The following UGT2B4 variants were observed in gnomAD, a reference collection of about 807,000 sequenced individuals.
The protein encoded by UGT2B4 is UDP-glucuronosyltransferase 2B4.
In UGT2B4, 49 loss-of-function variants were observed where a neutral mutation model predicts 49.8. The observed-to-expected ratio is 0.98, with a 90% CI of 0.78 to 1.25. UGT2B4 has a LOEUF of 1.25. Ranked by LOEUF, UGT2B4 falls within the 50% of genes most tolerant of loss-of-function variation. UGT2B4 has a pLI of 0.00. For synonymous variants in UGT2B4, 246 were observed against 217.7 expected (o/e 1.13, Z -1.14); for missense variants, 729 against 627.7 (o/e 1.16, Z -1.73).
chr4:69,509,844 AT>A (rs375366769), intron 1 of UGT2B4, among the ~76,000 whole-genome samples: 1,794 of 148,168 alleles, frequency 0.012, 26 homozygotes, highest in African/African-American at 0.041. Flanking sequence ...TGTGTAGAAT[AT>A]TTTTTTTTTG....
At chr4:69,515,426 T>C (rs566893327) in intron 1 of UGT2B4, among the ~76,000 whole-genome samples, 243 of 152,190 alleles carry the variant, frequency 1.6e-3, no homozygotes, top group Non-Finnish European at 2.6e-3. Flanking sequence ...TGGCAAAGAA[T>C]AAAATTAAGG....
Position 69,495,538 on chromosome 4 carries a change from A to G in UGT2B4, c.324T>C (p.Tyr108=), listed in dbSNP as rs751986697. 3.7e-6 allele frequency: 6 copies of G among 1,613,274 alleles called. No homozygotes were observed. The highest frequency in any genetic ancestry group is 5.1e-6 in the Non-Finnish European group (6 of 1,179,568). The stretch of plus-strand genomic sequence containing the variant: ...ACATGATTTCTTGTACTTGTGAAAA[A>G]TATGACCAAAATGTGTCTTTTGGAA... ...AELPKDTFWS[Y]FSQVQEIMWT... The change falls in exon 1 of 6, where the codon TAT becomes TAC. Residue 108 remains tyrosine, a synonymous_variant. Transcript: ENST00000305107.
At chr4:69,490,410 C>T (rs1022315028) in intron 2 of UGT2B4, among the ~76,000 whole-genome samples, 1 of 152,070 alleles carries the variant, frequency 6.6e-6, no homozygotes, top group African/African-American at 2.4e-5. Flanking sequence ...TTTGCTGTGT[C>T]TCAGAGGCAG....
At chr4:69,494,803 C>T (rs1302206893) in intron 1 of UGT2B4, among the ~76,000 whole-genome samples, 1 of 152,076 alleles carries the variant, frequency 6.6e-6, no homozygotes. Context: ...AGTATGCATT[C>T]AGCAAGATGT....
chr4:69,525,153 T>C (rs527763890), intron 1 of UGT2B4, among the ~76,000 whole-genome samples: 1 of 152,312 alleles, frequency 6.6e-6, no homozygotes, highest in East Asian at 1.9e-4. Flanking sequence ...CAAGTGTTTG[T>C]TTGTTTGTAT....
At position 69,485,274 on chromosome 4, in the gene UGT2B4, A is replaced by G; in HGVS notation, c.1244T>C (p.Leu415Ser). ...HMKAKGAAVS[L>S]DFHTMSSTDL... The stretch of plus-strand genomic sequence containing the variant: ...TGTACTCGACATTGTGTGGAAGTCC[A>G]AACTAACAGCTGCTCCCTTGGCCTT... Residue 415 changes from leucine to serine, a missense_variant, in exon 5 of 6, where the codon TTG (leucine) becomes TCG (serine). Coordinates refer to ENST00000305107, the MANE Select transcript of UGT2B4 (RefSeq NM_021139.3). The G allele has an allele frequency of 1.3e-5, 21 of 1,614,024 alleles. No homozygotes were observed. Among genetic ancestry groups the G allele is most frequent in the Non-Finnish European group, 1.8e-5 (21 of 1,179,950 alleles).
intron 2 of UGT2B4, 145 bp from the exon 3 acceptor site, chr4:69,489,715 GT>G (rs41297395): frequency 9.2e-5 from 109 of 1,180,560 alleles, no homozygotes; most frequent in Admixed American, 1.4e-4. Context: ...CAATTACTCA[GT>G]TTTTTTTGCA....
chr4:69,489,771 G>A (rs1199584281), intron 2 of UGT2B4, among the ~76,000 whole-genome samples: 1 of 151,986 alleles, frequency 6.6e-6, no homozygotes, highest in Non-Finnish European at 1.5e-5. Flanking sequence ...GGGTCTTTGT[G>A]TAAATATGTG....
In UGT2B4 at chr4:69,493,710, C is replaced by T. The variant is rs1417253303; in HGVS notation, c.853G>A (p.Ala285Thr). 9 of 1,606,116 alleles carry T rather than the reference C, an allele frequency of 5.6e-6. No homozygotes were observed. Among genetic ancestry groups the T allele is most frequent in the Non-Finnish European group, 8.5e-7 (1 of 1,177,278 alleles). Residue 285 changes from alanine (A) to threonine (T), a missense_variant, in exon 2 of 6, where the codon GCC becomes ACC. Transcript: ENST00000305107. ...EFVGGLHCKPAKPLPKEMEEF... is the reference protein window; with the variant it reads ...EFVGGLHCKPTKPLPKEMEEF... ...TAGTTTACCTTCGGTAGGGGTTTGG[C>T]AGGTTTGCAGTGGAGTCCTCCAACG...
intron 1 of UGT2B4, among the ~76,000 whole-genome samples, chr4:69,507,073 C>A (rs928746048): frequency 6.6e-6 from 1 of 151,928 alleles, no homozygotes; most frequent in African/African-American, 2.4e-5. Flanking sequence ...AGGAACATAC[C>A]TCAAAATAAA....
Position 69,503,271 on chromosome 4 carries a change from G to C in UGT2B4, c.-105-7305C>G, listed in dbSNP as rs1157042957. 2.0e-5 allele frequency among the ~76,000 whole-genome samples: 3 copies of C among 152,200 alleles called. No homozygotes were observed. The East Asian group carries it at 5.8e-4, about 30-fold the overall frequency. On this transcript the variant is annotated intron_variant, in intron 1 of 1. Transcript: ENST00000510114. ...ATGACTGCTTACAGGGTAGTCTTTG[G>C]TGCCCTGGGGGCTCACACCATAGCT... is the stretch of plus-strand genomic sequence containing the variant.
rs1164693410 is a variant in UGT2B4 at position 69,502,091 on chromosome 4, C to CTTTCTTTCTTTCTTTCTT, written c.-105-6126_-105-6125insAAGAAAGAAAGAAAGAAA. On this transcript the variant is annotated intron_variant, in intron 1 of 1. Transcript: ENST00000510114. Reference sequence around the variant, plus strand: ...CCTTCTTTTCTTTCTTTCTTTCTCTCTCTTTCTTTCTTTCTTTCTTTCTTT... The same window carrying CTTTCTTTCTTTCTTTCTT: ...CCTTCTTTTCTTTCTTTCTTTCTCTCTTTCTTTCTTTCTTTCTTTCTTTCTTTCTTTCTTTCTTTCTTT... Among the ~76,000 whole-genome samples, 133 of 108,522 alleles carry CTTTCTTTCTTTCTTTCTT rather than the reference C, an allele frequency of 1.2e-3. 18 individuals are homozygous for CTTTCTTTCTTTCTTTCTT. The highest frequency in any genetic ancestry group is 9.9e-3 in the Middle Eastern group (2 of 202). 71.2% of individuals were successfully genotyped at this position (108,522 alleles called of 152,430 possible).
In UGT2B4 at chr4:69,480,634, T is replaced by C. The variant is rs1286318386; in HGVS notation, c.1587A>G (p.Ter529=). The change falls in exon 6 of 6, where the codon TAA becomes TAG. Residue 529 remains the stop codon, a stop_retained_variant. Coordinates refer to ENST00000305107, the MANE Select transcript of UGT2B4 (RefSeq NM_021139.3). ...TCCCAGCTTCCAGCCTCAGACGTAA[T>C]TAATCTCTTTTCCCCTTCTTTCCTG... The part of the protein sequence containing the change: ...VRTGKKGKRD[*] 25 of 1,613,284 alleles carry C rather than the reference T, an allele frequency of 1.5e-5. No homozygotes were observed. Among genetic ancestry groups the C allele is most frequent in the Non-Finnish European group, 2.1e-5 (25 of 1,179,486 alleles).
chr4:69,493,013 T>G (rs1013811902), intron 2 of UGT2B4, among the ~76,000 whole-genome samples: 2 of 152,146 alleles, frequency 1.3e-5, no homozygotes, highest in African/African-American at 4.8e-5. Context: ...TAATAAATAT[T>G]TCAACTCCTG....
chr4:69,513,469 C>T (rs971818426), intron 1 of UGT2B4, among the ~76,000 whole-genome samples: 5 of 152,138 alleles, frequency 3.3e-5, no homozygotes, highest in Non-Finnish European at 7.4e-5. Flanking sequence ...CAGTACAATG[C>T]TGTTTTGGTT....
At chr4:69,502,129 CTTTCTTTCTTTCTTTCTTTCTCTT>C (rs1369780565) in intron 1 of UGT2B4, among the ~76,000 whole-genome samples, 1 of 130,622 alleles carries the variant, frequency 7.7e-6, no homozygotes, top group African/African-American at 3.0e-5. Flanking sequence ...TTCTTTCTTT[CTTTCTTTCTTTCTTTCTTTCTCTT>C]TCTTTCTTTC....
In UGT2B4 at chr4:69,488,414, A is replaced by G. The variant is rs41297407; in HGVS notation, c.1002+1025T>C. ...GAATCCTTATAAATTAAAAAAAAAT[A>G]ATTTACGGTGTTTAAGTTCTATTTG... On this transcript the variant is annotated intron_variant, in intron 3 of 5. Coordinates refer to ENST00000305107, the MANE Select transcript of UGT2B4 (RefSeq NM_021139.3). Among the ~76,000 whole-genome samples, 530 of 151,524 alleles carry G rather than the reference A, an allele frequency of 3.5e-3. 2 individuals are homozygous for G. Among genetic ancestry groups the G allele is most frequent in the Middle Eastern group, 0.014 (4 of 292 alleles).
upstream of UGT2B4, among the ~76,000 whole-genome samples, chr4:69,496,246 C>T (rs553592372): frequency 1.3e-5 from 2 of 151,956 alleles, no homozygotes; most frequent in South Asian, 2.1e-4. Flanking sequence ...AGGATGGTCT[C>T]GAACCCCTGA....
At position 69,480,749 on chromosome 4, in the gene UGT2B4, A is replaced by G; in HGVS notation, c.1472T>C (p.Leu491Ser). ...HDLTWFQYHSLDVTGFLLACV... is the reference protein window; with the variant it reads ...HDLTWFQYHSSDVTGFLLACV... The stretch of plus-strand genomic sequence containing the variant: ...GGCCAGCAGGAACCCAGTCACATCC[A>G]AAGAGTGGTACTGGAACCAGGTGAG... The change falls in exon 6 of 6, where the codon TTG becomes TCG. Residue 491 changes from leucine to serine, a missense_variant. By Grantham distance (145) the Leu-to-Ser change is moderately radical (BLOSUM62 -2). Transcript: ENST00000305107. 1 of 1,614,000 alleles carries G rather than the reference A, an allele frequency of 6.2e-7. No individual in the cohort carries two copies. The highest frequency in any genetic ancestry group is 1.1e-5 in the South Asian group (1 of 91,078).
Sources: gnomAD v4.1 joint callset for allele counts (sites outside exome capture counted in the v4.1 genomes callset) on GRCh38, gnomAD v4.1.1 for gene constraint, MANE v1.5 for transcripts, NCBI Gene and HGNC (gene_info 2026-07-23, HGNC 2026-07-21) for gene names.